Variants in TNRC6A observed in about 807,000 individuals in gnomAD.
The protein encoded by TNRC6A is trinucleotide repeat-containing gene 6A protein.
Under a neutral mutation model 221.2 loss-of-function variants are expected in TNRC6A, and 44 were observed. The ratio of observed to expected loss-of-function variants is 0.20; its 90% CI spans 0.16 to 0.26. TNRC6A has a LOEUF of 0.26. Ranked by LOEUF, TNRC6A falls within the 10% of genes least tolerant of loss-of-function variation. The pLI is 1.00. For synonymous variants in TNRC6A, 847 were observed against 838.5 expected, an observed-to-expected ratio of 1.01 and a Z score of -0.18; for missense variants, 2,199 against 2,404.4, an observed-to-expected ratio of 0.91 and a Z score of 1.79.
intron 2 of TNRC6A, among the ~76,000 whole-genome samples, chr16:24,695,353 A>G (rs1018965837): frequency 3.3e-5 from 5 of 152,152 alleles, no homozygotes; most frequent in Non-Finnish European, 7.4e-5. Flanking sequence ...AGCCCAGTGC[A>G]TAAAAGCCCA....
chr16:24,682,934 C>A (rs1342182512), intron 2 of TNRC6A, among the ~76,000 whole-genome samples: 1 of 152,154 alleles, frequency 6.6e-6, no homozygotes, highest in Non-Finnish European at 1.5e-5. Context: ...GAATTTAACC[C>A]TCACAATAAT....
chr16:24,815,381 G>C, intron 19 of TNRC6A, 76 bp downstream of exon 19: 2 of 1,528,538 alleles, frequency 1.3e-6, no homozygotes, highest in Non-Finnish European at 1.8e-6. Flanking sequence ...ACTTACTACT[G>C]ATGTAGCCCA....
intron 2 of TNRC6A, among the ~76,000 whole-genome samples, chr16:24,740,511 A>C (rs1264361348): frequency 6.6e-6 from 1 of 152,062 alleles, no homozygotes; most frequent in Non-Finnish European, 1.5e-5. Context: ...GTGTGTAATC[A>C]TGCTTCTTTT....
At chr16:24,757,290 A>G (rs2057272785) in intron 3 of TNRC6A, among the ~76,000 whole-genome samples, 3 of 50,234 alleles carry the variant, frequency 6.0e-5, no homozygotes, top group Non-Finnish European at 1.0e-4. Context: ...TGGCTTCAAT[A>G]TTAGGGAGTT....
At chr16:24,813,652 C>T (rs2058594324) in intron 18 of TNRC6A, among the ~76,000 whole-genome samples, 1 of 152,188 alleles carries the variant, frequency 6.6e-6, no homozygotes, top group African/African-American at 2.4e-5. Flanking sequence ...GCCTTCATCA[C>T]TATCTCATCA....
At position 24,620,148 on chromosome 16, in the gene TNRC6A, A is replaced by C. The variant is rs555325007; in HGVS notation, n.276+9664A>C. ...CAGAGCAAGACCCAGTTTCAAAAAA[A>C]AAAAGAACTATATGAGCTTAGGATC... On this transcript the variant is annotated intron_variant and non_coding_transcript_variant, in intron 1 of 2. Coordinates refer to the TNRC6A transcript ENST00000566108. Among the ~76,000 whole-genome samples, 1,045 of 152,204 alleles carry C rather than the reference A, an allele frequency of 6.9e-3. 19 individuals carry two copies. The highest frequency in any genetic ancestry group is 0.024 in the African/African-American group (1,000 of 41,520).
intron 2 of TNRC6A, among the ~76,000 whole-genome samples, chr16:24,645,043 A>T (rs1567321176): frequency 6.6e-6 from 1 of 152,236 alleles, no homozygotes; most frequent in Admixed American, 6.5e-5. Flanking sequence ...TTATAGTTAC[A>T]GTTGAAAAAG....
At chr16:24,773,045 C>A (rs2057645942) in intron 4 of TNRC6A, among the ~76,000 whole-genome samples, 1 of 151,906 alleles carries the variant, frequency 6.6e-6, no homozygotes. Flanking sequence ...TTTAACTATT[C>A]TTTTTCATAG....
At chr16:24,625,709 G>C (rs1456624682) in intron 1 of TNRC6A, among the ~76,000 whole-genome samples, 1 of 134,472 alleles carries the variant, frequency 7.4e-6, no homozygotes, top group Non-Finnish European at 1.5e-5. Flanking sequence ...GTCCGGCCTG[G>C]GCGACAGAGC....
rs532742811 is a variant in TNRC6A, at chr16:24,647,758, C to T, written n.402+6749C>T. 1.3e-3 allele frequency among the ~76,000 whole-genome samples: 192 copies of T among 152,194 alleles called. 3 individuals carry two copies. The highest frequency in any genetic ancestry group is 1.7e-3 in the South Asian group (8 of 4,824). On this transcript the variant is annotated intron_variant and non_coding_transcript_variant, in intron 2 of 2. Coordinates refer to the TNRC6A transcript ENST00000566108. ...TCCTGAGTAGCTGAGATTACAGGCA[C>T]GCGCCACCATGCCTGGCTAATTTTT... is the stretch of plus-strand genomic sequence containing the variant.
At chr16:24,773,526 G>C (rs2057656454) in intron 4 of TNRC6A, among the ~76,000 whole-genome samples, 1 of 152,222 alleles carries the variant, frequency 6.6e-6, no homozygotes, top group Middle Eastern at 3.4e-3. Context: ...TGGCATGCAT[G>C]TGTGTGTGTT....
At chr16:24,720,984 G>A (rs2056401258) in intron 2 of TNRC6A, among the ~76,000 whole-genome samples, 2 of 152,108 alleles carry the variant, frequency 1.3e-5, no homozygotes, top group African/African-American at 2.4e-5. Context: ...GAACCCGGGA[G>A]GTGGAGCTTG....
At chr16:24,684,702 A>T (rs1011125793) in intron 2 of TNRC6A, among the ~76,000 whole-genome samples, 1 of 150,240 alleles carries the variant, frequency 6.7e-6, no homozygotes, top group African/African-American at 2.4e-5. Flanking sequence ...CTTACTCAGG[A>T]GGCTGAGGTG....
At chr16:24,661,615 T>C (rs1181940378) in intron 2 of TNRC6A, 1 of 152,158 alleles carries the variant, frequency 6.6e-6, no homozygotes, top group Non-Finnish European at 1.5e-5. Context: ...GGTTTCAACA[T>C]GTTGGCCAGG....
chr16:24,646,045 T>G (rs1433701049), intron 2 of TNRC6A, among the ~76,000 whole-genome samples: 1 of 151,948 alleles, frequency 6.6e-6, no homozygotes, highest in African/African-American at 2.4e-5. Flanking sequence ...GCATATTGAT[T>G]CATGTTAAAA....
At chr16:24,622,196 G>A (rs2343379) in intron 1 of TNRC6A, among the ~76,000 whole-genome samples, 13,837 of 151,952 alleles carry the variant, frequency 0.091, 809 homozygotes, top group Non-Finnish European at 0.13. Context: ...AAGGTGGGAG[G>A]ATCTCTAGAG....
At chr16:24,816,601 G>A in intron 19 of TNRC6A, 1 of 536,582 alleles carries the variant, frequency 1.9e-6, no homozygotes, top group Non-Finnish European at 3.2e-6. Context: ...CACATTCAGT[G>A]AGATGATTTC....
At chr16:24,663,166 A>C (rs935059860) in intron 2 of TNRC6A, 1 of 153,802 alleles carries the variant, frequency 6.5e-6, no homozygotes, top group Non-Finnish European at 1.5e-5. Context: ...AGACACGCTC[A>C]GGTATGACGA....
intron 4 of TNRC6A, among the ~76,000 whole-genome samples, chr16:24,764,724 G>T (rs1022580990): frequency 6.6e-6 from 1 of 152,076 alleles, no homozygotes; most frequent in Non-Finnish European, 1.5e-5. Context: ...ATTTCTACAT[G>T]GTTCTGATTT....
Sources: gnomAD v4.1 joint callset for allele counts (sites outside exome capture counted in the v4.1 genomes callset) on GRCh38, gnomAD v4.1.1 for gene constraint, MANE v1.5 for transcripts, NCBI Gene and HGNC (gene_info 2026-07-23, HGNC 2026-07-21) for gene names.